Variants in FOXK2 observed in about 807,000 individuals in gnomAD.
FOXK2 encodes forkhead box K2, also known as forkhead box protein K2.
FOXK2 carries 24 observed loss-of-function variants against 53.3 expected under a neutral mutation model. That is an observed-to-expected ratio of 0.45 (90% CI 0.33 to 0.63). FOXK2 has a LOEUF of 0.63. Ranked by LOEUF, FOXK2 falls within the 30% of genes least tolerant of loss-of-function variation. The probability of loss-of-function intolerance (pLI) is 0.03; values close to 1 mark genes in which losing one functional copy is unlikely to be tolerated. For synonymous variants in FOXK2, 505 were observed against 407.1 expected (o/e 1.24, Z -2.89); for missense variants, 952 against 910.5 (o/e 1.05, Z -0.59).
At chr17:82,601,216 CGCG>C (rs2045378892) in intron 8 of FOXK2, 84 bp from the exon 9 acceptor site, 1 of 1,392,500 alleles carries the variant, frequency 7.2e-7, no homozygotes, top group African/African-American at 1.4e-5. Context: ...GGTTCTGACT[CGCG>C]AGGGTTCACG....
chr17:82,578,827 G>T (rs538436755), intron 4 of FOXK2, among the ~76,000 whole-genome samples: 4 of 152,230 alleles, frequency 2.6e-5, no homozygotes. Flanking sequence ...TGGTGGTGGT[G>T]ACGCAGGGGC....
At chr17:82,586,442 A>G (rs1197912735) in intron 7 of FOXK2, among the ~76,000 whole-genome samples, 6 of 82,516 alleles carry the variant, frequency 7.3e-5, no homozygotes, top group Non-Finnish European at 6.5e-5. Context: ...GGGAGGTCAA[A>G]GGTGGGCCGG....
Position 82,601,688 on chromosome 17 carries a change from A to G in FOXK2, c.*189A>G. On this transcript the variant is annotated 3_prime_UTR_variant, in exon 9 of 9. Transcript: ENST00000335255. ...CACACTTGAACAAAACCCACACACA[A>G]CAAAACCTGATTTGGGAGACGGTGT... 1 of 551,316 alleles carries G rather than the reference A, an allele frequency of 1.8e-6. No homozygotes were observed. Among genetic ancestry groups the G allele is most frequent in the Admixed American group, 3.1e-5 (1 of 31,930 alleles). 34.2% of individuals were successfully genotyped at this position (551,316 alleles called of 1,614,324 possible).
chr17:82,561,282 G>T (rs1432514595), intron 1 of FOXK2, among the ~76,000 whole-genome samples: 2 of 152,110 alleles, frequency 1.3e-5, no homozygotes, highest in Non-Finnish European at 2.9e-5. Flanking sequence ...AGTCTTGTTT[G>T]AGACCCCCAG....
At chr17:82,528,491 C>A (rs1428347255) in intron 1 of FOXK2, among the ~76,000 whole-genome samples, 1 of 152,074 alleles carries the variant, frequency 6.6e-6, no homozygotes, top group South Asian at 2.1e-4. Context: ...TAATGACAGT[C>A]ATAGTAAATC....
chr17:82,598,985 G>C (rs561976932), intron 8 of FOXK2: 1 of 152,410 alleles, frequency 6.6e-6, no homozygotes, highest in African/African-American at 2.4e-5. Flanking sequence ...GCGGCCTCCC[G>C]TGCCTCCCCT....
intron 1 of FOXK2, among the ~76,000 whole-genome samples, chr17:82,555,885 C>CAACAAAA (rs2044719317): frequency 1.3e-5 from 1 of 74,216 alleles, no homozygotes; most frequent in Non-Finnish European, 2.5e-5. Context: ...GACTCTATCA[C>CAACAAAA]AAAAAAAAAA....
chr17:82,585,623 T>A (rs1332968919), intron 6 of FOXK2, among the ~76,000 whole-genome samples: 1 of 152,190 alleles, frequency 6.6e-6, no homozygotes, highest in Non-Finnish European at 1.5e-5. Context: ...TATTGAGTAT[T>A]GACATTTTCT....
At chr17:82,543,273 A>G (rs1465929414) in intron 1 of FOXK2, among the ~76,000 whole-genome samples, 1 of 152,254 alleles carries the variant, frequency 6.6e-6, no homozygotes, top group Admixed American at 6.5e-5. Context: ...TTTTAGAGAT[A>G]GGGCCTTGCT....
At chr17:82,598,056 G>A (rs1313475971) in intron 8 of FOXK2, among the ~76,000 whole-genome samples, 5 of 150,844 alleles carry the variant, frequency 3.3e-5, no homozygotes, top group Non-Finnish European at 7.4e-5. Flanking sequence ...CATGTGACTC[G>A]TGATCGGCAC....
rs928514474 is a variant in FOXK2, at chr17:82,603,274, C to G, written c.*1775C>G. The stretch of plus-strand genomic sequence containing the variant: ...TGCAGCTGTCTGCATCTTCCAAGCA[C>G]TTTACAGATACCTTGGAATGTATAT... On this transcript the variant is annotated 3_prime_UTR_variant, in exon 9 of 9. Coordinates refer to ENST00000335255, the MANE Select transcript of FOXK2 (RefSeq NM_004514.4). 1.3e-5 allele frequency: 2 copies of G among 152,278 alleles called. No individual in the cohort carries two copies. The highest frequency in any genetic ancestry group is 4.8e-5 in the African/African-American group (2 of 41,470). 9.4% of individuals were successfully genotyped at this position (152,278 alleles called of 1,614,324 possible).
chr17:82,584,462 C>G (rs1259071016), intron 6 of FOXK2, among the ~76,000 whole-genome samples: 1 of 150,332 alleles, frequency 6.7e-6, no homozygotes, highest in Non-Finnish European at 1.5e-5. Context: ...TGAAACAGCC[C>G]CCGCACCCCC....
chr17:82,587,046 T>G lies in FOXK2; in HGVS notation c.1577-17T>G, dbSNP rs1377615697. 2 of 1,609,792 alleles carry G rather than the reference T, an allele frequency of 1.2e-6. No homozygotes were observed. Among genetic ancestry groups the G allele is most frequent in the Middle Eastern group, 1.7e-4 (1 of 6,056 alleles). ...TTTCCAGTAATATTAATGTCGTTTC[T>G]TTTCCTTTAATTTCAGTGAAAGTAG... On this transcript the variant is annotated splice_polypyrimidine_tract_variant and intron_variant, in intron 7 of 8. Coordinates refer to ENST00000335255, the MANE Select transcript of FOXK2 (RefSeq NM_004514.4).
intron 4 of FOXK2, among the ~76,000 whole-genome samples, chr17:82,579,321 A>G (rs1185734227): frequency 1.3e-5 from 2 of 152,208 alleles, no homozygotes; most frequent in African/African-American, 4.8e-5. Context: ...GGAGGAATTG[A>G]TAGAAAGATT....
At chr17:82,571,966 G>A in intron 4 of FOXK2, 96 bp downstream of exon 4, 1 of 1,273,434 alleles carries the variant, frequency 7.9e-7, no homozygotes, top group Admixed American at 3.2e-5. Flanking sequence ...GGATAGGAAG[G>A]TAGAAGGGGG....
At chr17:82,568,639 G>C (rs144154984) in intron 3 of FOXK2, among the ~76,000 whole-genome samples, 39 of 152,338 alleles carry the variant, frequency 2.6e-4, no homozygotes, top group African/African-American at 8.7e-4. Context: ...CTATGACCTG[G>C]CACGTTTGTA....
chr17:82,520,342 C>T (rs969392308), intron 1 of FOXK2, 35 bp downstream of exon 1: 22 of 1,239,574 alleles, frequency 1.8e-5, no homozygotes, highest in Admixed American at 4.3e-5. Flanking sequence ...GCGGGGTCTG[C>T]GGCCTGCAGC....
At position 82,586,055 on chromosome 17, in the gene FOXK2, C is replaced by G. The variant is rs762345895; in HGVS notation, c.1431C>G (p.Ile477Met). The change falls in exon 7 of 9, where the codon ATC becomes ATG. Residue 477 changes from isoleucine to methionine, a missense_variant. By Grantham distance (10) the Ile-to-Met change is conservative. Around this residue, in one of 5 missense-constraint regions of FOXK2, gnomAD observed 551 missense variants for 385.1 expected, o/e 1.43. Transcript: ENST00000335255. The stretch of plus-strand genomic sequence containing the variant: ...AGACGGTTCACGTCGTCCACCAGAT[C>G]CCAGCGGTGTCGGTCACCAGTGTGG... ...VVQTVHVVHQ[I>M]PAVSVTSVAG... 1.9e-6 allele frequency: 3 copies of G among 1,612,840 alleles called. No individual in the cohort carries two copies. The highest frequency in any genetic ancestry group is 2.5e-6 in the Non-Finnish European group (3 of 1,179,994).
chr17:82,570,512 G>A (rs1392052408), intron 3 of FOXK2, among the ~76,000 whole-genome samples: 2 of 152,104 alleles, frequency 1.3e-5, no homozygotes, highest in Non-Finnish European at 1.5e-5. Flanking sequence ...AAAGACAAAC[G>A]TCCCTCTGCC....
Sources: gnomAD v4.1 joint callset for allele counts (sites outside exome capture counted in the v4.1 genomes callset) on GRCh38, gnomAD v4.1.1 for gene constraint, gnomAD v4.1.1 regional missense constraint, MANE v1.5 for transcripts, NCBI Gene and HGNC (gene_info 2026-07-23, HGNC 2026-07-21) for gene names.